Variants in MARK1 observed in about 807,000 individuals in gnomAD.
MARK1 encodes the protein microtubule affinity regulating kinase 1, also known as serine/threonine-protein kinase MARK1.
MARK1 carries 40 observed loss-of-function variants against 96.3 expected under a neutral mutation model. The observed-to-expected ratio is 0.42, with a 90% CI of 0.32 to 0.54. MARK1 has a LOEUF of 0.54. Among genes scored for constraint, MARK1 ranks in the 20% least tolerant of loss-of-function variants. MARK1 has a pLI of 0.16. For missense variants in MARK1, 719 were observed against 984.6 expected (o/e 0.73, Z 3.61); for synonymous variants, 317 against 341.2 (o/e 0.93, Z 0.78).
chr1:220,542,620 T>A (rs1375975267), intron 1 of MARK1, among the ~76,000 whole-genome samples: 1 of 152,230 alleles, frequency 6.6e-6, no homozygotes. Context: ...TCTCTCACCC[T>A]GTAGTGAGTC....
At chr1:220,583,910 C>A (rs1008011751) in intron 3 of MARK1, among the ~76,000 whole-genome samples, 3 of 148,218 alleles carry the variant, frequency 2.0e-5, no homozygotes, top group Admixed American at 6.9e-5. Flanking sequence ...TCGTGATATA[C>A]CCACCTCGGC....
At chr1:220,538,078 T>G (rs1371079280) in intron 1 of MARK1, among the ~76,000 whole-genome samples, 1 of 152,084 alleles carries the variant, frequency 6.6e-6, no homozygotes, top group African/African-American at 2.4e-5. Context: ...GCTCTTTAGT[T>G]TAATTAGATC....
chr1:220,592,223 T>TCA (rs1665040154), intron 3 of MARK1, among the ~76,000 whole-genome samples: 1 of 50,884 alleles, frequency 2.0e-5, no homozygotes, highest in African/African-American at 8.6e-5. Context: ...TTATATCATA[T>TCA]TATATTATAT....
intron 6 of MARK1, among the ~76,000 whole-genome samples, chr1:220,606,045 G>C (rs568984209): frequency 6.6e-6 from 1 of 152,114 alleles, no homozygotes; most frequent in East Asian, 1.9e-4. Flanking sequence ...TGGGATTGCT[G>C]GGTCAAATGG....
chr1:220,594,991 A>G (rs1464935071), intron 3 of MARK1, among the ~76,000 whole-genome samples: 8 of 152,152 alleles, frequency 5.3e-5, no homozygotes, highest in Non-Finnish European at 1.0e-4. Flanking sequence ...AGTGAACAGT[A>G]ATGTAAATGT....
Position 220,599,785 on chromosome 1 carries a change from A to C in MARK1, c.359-13A>C, listed in dbSNP as rs755004412. ...CTAACAGTTATAGAGTTATATCTCT[A>C]ATTTTTTTTCAGTAAAATTGTTTGA... On this transcript the variant is annotated splice_polypyrimidine_tract_variant and intron_variant, in intron 4 of 17. Transcript: ENST00000366917. The C allele has an allele frequency of 1.3e-6, 2 of 1,510,642 alleles. No homozygotes were observed. Among genetic ancestry groups the C allele is most frequent in the South Asian group, 2.3e-5 (2 of 88,074 alleles). 93.6% of individuals were successfully genotyped at this position (1,510,642 alleles called of 1,614,324 possible). A position where few individuals can be genotyped will look rare whatever the true frequency, so the allele number is the denominator to read the frequency against.
intron 3 of MARK1, among the ~76,000 whole-genome samples, chr1:220,586,245 C>T (rs946280785): frequency 2.0e-5 from 3 of 152,118 alleles, no homozygotes; most frequent in South Asian, 2.1e-4. Context: ...TCCTCTTCCC[C>T]GACTCCTACA....
intron 1 of MARK1, among the ~76,000 whole-genome samples, chr1:220,542,949 C>G (rs1401134145): frequency 6.6e-6 from 1 of 152,032 alleles, no homozygotes; most frequent in African/African-American, 2.4e-5. Flanking sequence ...GTTCCTAAAC[C>G]ATGTATCATT....
At position 220,528,574 on chromosome 1, in the gene MARK1, C is replaced by G. The variant is rs1376772137; in HGVS notation, c.-249C>G. 1 of 470,134 alleles carries G rather than the reference C, an allele frequency of 2.1e-6. No individual in the cohort carries two copies. Among genetic ancestry groups the G allele is most frequent in the Non-Finnish European group, 3.7e-6 (1 of 268,072 alleles). The allele number at this position is 470,134 out of a possible 1,614,324, so 29.1% of individuals were successfully genotyped here. On this transcript the variant is annotated 5_prime_UTR_variant, in exon 1 of 18. Transcript: ENST00000366917. ...GCCAGCGCCGGGCAACCGCCTCGCC[C>G]GAAGCCCTCCCTCGTTACTGTCCGC...
intron 11 of MARK1, among the ~76,000 whole-genome samples, chr1:220,633,284 A>G (rs939777727): frequency 6.6e-6 from 1 of 152,220 alleles, no homozygotes; most frequent in African/African-American, 2.4e-5. Context: ...CATAAAAGCA[A>G]TGATTCTTTA....
At chr1:220,661,754 A>T in intron 17 of MARK1, 58 bp from the exon 18 acceptor site, 1 of 1,289,190 alleles carries the variant, frequency 7.8e-7, no homozygotes, top group East Asian at 2.5e-5. Flanking sequence ...GTGTGTTTTG[A>T]TCTCTTTGCT....
intron 12 of MARK1, 107 bp downstream of exon 12, chr1:220,635,636 T>C (rs1002598073): frequency 7.7e-7 from 1 of 1,300,206 alleles, no homozygotes; most frequent in African/African-American, 1.5e-5. Flanking sequence ...TATCTAGTTC[T>C]CACAGACTTA....
At chr1:220,631,216 G>A (rs1667665325) in intron 10 of MARK1, 82 bp downstream of exon 10, 2 of 775,218 alleles carry the variant, frequency 2.6e-6, no homozygotes, top group South Asian at 3.8e-5. Flanking sequence ...GTGTTTAAGA[G>A]TATAAATAGG....
intron 9 of MARK1, chr1:220,627,424 C>T (rs1045973332): frequency 2.1e-6 from 1 of 478,134 alleles, no homozygotes; most frequent in South Asian, 1.5e-5. Context: ...CCAAAGGGGT[C>T]AAGGAGGAGG....
chr1:220,539,802 T>A (rs1033602424), intron 1 of MARK1, among the ~76,000 whole-genome samples: 1 of 152,066 alleles, frequency 6.6e-6, no homozygotes, highest in Non-Finnish European at 1.5e-5. Context: ...AATTTTTATA[T>A]TGATATGCAT....
chr1:220,574,313 C>G (rs1663685292), intron 1 of MARK1, among the ~76,000 whole-genome samples: 1 of 152,224 alleles, frequency 6.6e-6, no homozygotes, highest in African/African-American at 2.4e-5. Context: ...CTGCCTTGTT[C>G]TAATGTGTTC....
chr1:220,626,801 C>T (rs574872150), intron 9 of MARK1: 6 of 337,504 alleles, frequency 1.8e-5, no homozygotes, highest in South Asian at 1.3e-4. Flanking sequence ...GCCTGGAGAA[C>T]TGAGTGAGAC....
chr1:220,597,052 T>C (rs1170655975), intron 3 of MARK1, among the ~76,000 whole-genome samples: 1 of 152,174 alleles, frequency 6.6e-6, no homozygotes, highest in Non-Finnish European at 1.5e-5. Context: ...TGTCAGAATT[T>C]CCTTCCTTTT....
intron 17 of MARK1, among the ~76,000 whole-genome samples, chr1:220,660,221 C>T (rs151086288): frequency 4.6e-5 from 7 of 152,260 alleles, no homozygotes; most frequent in Admixed American, 4.6e-4. Context: ...GGCTTGCAAG[C>T]CCTAAGAGGC....
Sources: gnomAD v4.1 joint callset for allele counts (sites outside exome capture counted in the v4.1 genomes callset) on GRCh38, gnomAD v4.1.1 for gene constraint, MANE v1.5 for transcripts, NCBI Gene and HGNC (gene_info 2026-07-23, HGNC 2026-07-21) for gene names.